TGFBR3: variants seen among roughly 807,000 people sequenced by gnomAD.
TGFBR3 encodes the protein transforming growth factor beta receptor type 3.
In TGFBR3, 46 loss-of-function variants were observed where a neutral mutation model predicts 87.9. That is an observed-to-expected ratio of 0.52 (90% CI 0.41 to 0.67). The LOEUF (loss-of-function observed/expected upper bound fraction) is 0.67. Among genes scored for constraint, TGFBR3 ranks in the 30% least tolerant of loss-of-function variants. The pLI is 0.00. For missense variants in TGFBR3, 866 were observed against 1,041.9 expected (o/e 0.83, Z 2.32); for synonymous variants, 381 against 391.6 (o/e 0.97, Z 0.32).
At chr1:91,880,714 G>C (rs2101285807) in intron 1 of TGFBR3, among the ~76,000 whole-genome samples, 2 of 152,030 alleles carry the variant, frequency 1.3e-5, no homozygotes, top group South Asian at 4.2e-4. Flanking sequence ...CTGTCCTTTA[G>C]TAGCTAATAA....
At chr1:91,744,720 A>T (rs1673278585) in intron 4 of TGFBR3, among the ~76,000 whole-genome samples, 1 of 152,240 alleles carries the variant, frequency 6.6e-6, no homozygotes, top group Non-Finnish European at 1.5e-5. Context: ...ATTCTGACGC[A>T]TACTTGAGGA....
At chr1:91,718,156 G>T (rs948697322) in intron 10 of TGFBR3, among the ~76,000 whole-genome samples, 1 of 152,152 alleles carries the variant, frequency 6.6e-6, no homozygotes, top group Admixed American at 6.5e-5. Flanking sequence ...GGATTCAGTC[G>T]TCCTGGCTCT....
intron 2 of TGFBR3, among the ~76,000 whole-genome samples, chr1:91,898,131 GC>G (rs1213261803): frequency 6.6e-6 from 1 of 151,608 alleles, no homozygotes; most frequent in South Asian, 2.1e-4. Context: ...TACAATTGAA[GC>G]CCCCTTGCAC....
intron 2 of TGFBR3, among the ~76,000 whole-genome samples, chr1:91,808,730 C>G (rs1228225720): frequency 6.6e-6 from 1 of 152,166 alleles, no homozygotes; most frequent in Non-Finnish European, 1.5e-5. Flanking sequence ...CCTCAGCCTC[C>G]CAGAGTACTG....
At chr1:91,861,911 A>G (rs1678215037) in intron 1 of TGFBR3, 1 of 303,374 alleles carries the variant, frequency 3.3e-6, no homozygotes, top group South Asian at 3.0e-5. Flanking sequence ...GCTGGAGCAC[A>G]GTGGCGCAGT....
intron 3 of TGFBR3, among the ~76,000 whole-genome samples, chr1:91,781,030 A>T (rs1265488876): frequency 1.3e-5 from 2 of 150,818 alleles, no homozygotes; most frequent in African/African-American, 5.0e-5. Flanking sequence ...AAGGCACACA[A>T]CAAGGAGGAA....
chr1:91,894,992 G>A (rs189924842), intron 2 of TGFBR3, among the ~76,000 whole-genome samples: 3 of 152,182 alleles, frequency 2.0e-5, no homozygotes, highest in African/African-American at 4.8e-5. Flanking sequence ...GGATGGTCTC[G>A]ATCTCCTGAC....
intron 5 of TGFBR3, among the ~76,000 whole-genome samples, chr1:91,734,196 G>A (rs1246200464): frequency 1.3e-5 from 2 of 152,120 alleles, no homozygotes; most frequent in Non-Finnish European, 2.9e-5. Context: ...TGCAATGCAA[G>A]GAAATTTAAA....
chr1:91,684,773 G>A (rs1013994041), intron 16 of TGFBR3, among the ~76,000 whole-genome samples: 15 of 152,136 alleles, frequency 9.9e-5, no homozygotes, highest in African/African-American at 1.4e-4. Flanking sequence ...AGGGAAAAGC[G>A]ATCAGGGCTC....
intron 6 of TGFBR3, 135 bp downstream of exon 6, chr1:91,729,670 T>C (rs1672692217): frequency 1.0e-6 from 1 of 1,002,570 alleles, no homozygotes; most frequent in Non-Finnish European, 1.6e-6. Flanking sequence ...CCTTCCCTCC[T>C]GCGTGAAGCA....
chr1:91,830,356 T>C (rs1010293990), intron 2 of TGFBR3, among the ~76,000 whole-genome samples: 7 of 152,026 alleles, frequency 4.6e-5, no homozygotes, highest in African/African-American at 1.7e-4. Flanking sequence ...TATGTCTTTG[T>C]TTTGGTTTAG....
intron 5 of TGFBR3, 29 bp downstream of exon 5, chr1:91,734,747 G>C: frequency 6.2e-7 from 1 of 1,610,434 alleles, no homozygotes; most frequent in Non-Finnish European, 8.5e-7. Flanking sequence ...TCATAAATCA[G>C]TCATTAACTG....
chr1:91,722,272 C>T, intron 7 of TGFBR3, 128 bp from the exon 8 acceptor site: 1 of 846,826 alleles, frequency 1.2e-6, no homozygotes, highest in Non-Finnish European at 1.8e-6. Flanking sequence ...CTTTTGACCC[C>T]TGTTTTCCTT....
chr1:91,689,139 T>C (rs773861764), intron 16 of TGFBR3, among the ~76,000 whole-genome samples: 1 of 152,170 alleles, frequency 6.6e-6, no homozygotes, highest in Non-Finnish European at 1.5e-5. Flanking sequence ...ATCTGGCCAT[T>C]CATACCCTTC....
intron 13 of TGFBR3, among the ~76,000 whole-genome samples, chr1:91,711,779 A>G (rs1671991443): frequency 6.6e-6 from 1 of 152,206 alleles, no homozygotes; most frequent in Admixed American, 6.5e-5. Flanking sequence ...AAACTGAGAA[A>G]AGCTAAAATA....
chr1:91,898,462 A>G (rs1023861527), intron 2 of TGFBR3, among the ~76,000 whole-genome samples: 30 of 152,068 alleles, frequency 2.0e-4, no homozygotes, highest in African/African-American at 7.0e-4. Context: ...TTTGAGATGG[A>G]GTCTCGCTCT....
chr1:91,903,125 G>C (rs1005816518), intron 1 of TGFBR3, among the ~76,000 whole-genome samples: 25 of 151,320 alleles, frequency 1.7e-4, no homozygotes, highest in Middle Eastern at 3.2e-3. Context: ...GATCACCTGA[G>C]GTTGGGAGTT....
chr1:91,770,849 C>T (rs984942735), intron 3 of TGFBR3: 1 of 152,168 alleles, frequency 6.6e-6, no homozygotes, highest in African/African-American at 2.4e-5. Flanking sequence ...TACCACACCC[C>T]TTTTCTCTAG....
chr1:91,872,036 A>G (rs1298350077), intron 1 of TGFBR3, among the ~76,000 whole-genome samples: 3 of 152,152 alleles, frequency 2.0e-5, no homozygotes, highest in African/African-American at 7.2e-5. Flanking sequence ...ATTCTAGACA[A>G]TTTATTTTCA....
Sources: gnomAD v4.1 joint callset for allele counts (sites outside exome capture counted in the v4.1 genomes callset) on GRCh38, gnomAD v4.1.1 for gene constraint, MANE v1.5 for transcripts, NCBI Gene and HGNC (gene_info 2026-07-23, HGNC 2026-07-21) for gene names.